TRANK1: variants seen among roughly 807,000 people sequenced by gnomAD.
The protein encoded by TRANK1 is TPR and ankyrin repeat-containing protein 1.
Under a neutral mutation model 266.0 loss-of-function variants are expected in TRANK1, and 198 were observed. The observed-to-expected ratio is 0.74, with a 90% confidence interval of 0.66 to 0.84. The LOEUF (loss-of-function observed/expected upper bound fraction) is 0.84, where lower values mean the gene tolerates loss of function less well. TRANK1 is among the 40% of genes least tolerant of loss of function. The probability of loss-of-function intolerance (pLI) is 0.00; values close to 1 mark genes in which losing one functional copy is unlikely to be tolerated. For missense variants in TRANK1, 3,326 were observed against 3,634.6 expected (o/e 0.92, Z 2.18); for synonymous variants, 1,396 against 1,384.1 (o/e 1.01, Z -0.19).
Position 36,860,934 on chromosome 3 carries a change from C to G in TRANK1, c.1467G>C (p.Gln489His), listed in dbSNP as rs752059010. The G allele has an allele frequency of 7.8e-6, 12 of 1,537,364 alleles. No individual in the cohort carries two copies. In the African/African-American group the frequency reaches 1.6e-4, roughly 21 times the overall value. ...CACTGTCTATCAGGCAGCCCAGAAG[C>G]TGTTTCTTCCGCTGGTCCCAGGTGC... ...HLSTWDQRKKQLLGCLIDSGA... is the reference protein window; with the variant it reads ...HLSTWDQRKKHLLGCLIDSGA... The change falls in exon 11 of 24, where the codon CAG (glutamine) becomes CAC (histidine). Residue 489 changes from glutamine to histidine, a missense_variant. Physicochemically the swap from Gln to His is conservative, Grantham distance 24 (BLOSUM62 0). Transcript: ENST00000645898.
At chr3:36,898,027 C>T (rs1273799230) in intron 4 of TRANK1, among the ~76,000 whole-genome samples, 4 of 152,218 alleles carry the variant, frequency 2.6e-5, no homozygotes, top group South Asian at 2.1e-4. Context: ...TCTGCAGTGC[C>T]GGGTATTGAG....
chr3:36,899,321 G>C, intron 3 of TRANK1, 62 bp from the exon 4 acceptor site: 1 of 1,489,858 alleles, frequency 6.7e-7, no homozygotes, highest in East Asian at 2.5e-5. Flanking sequence ...GCTGGTGAAA[G>C]AAAAAGCAAA....
chr3:36,866,115 A>AGAAAGAAAGAGT (rs1553622475), intron 9 of TRANK1, among the ~76,000 whole-genome samples: 9 of 150,342 alleles, frequency 6.0e-5, no homozygotes, highest in African/African-American at 2.2e-4. Flanking sequence ...AAAGAAAGAA[A>AGAAAGAAAGAGT]GAGTCACCGA....
At chr3:36,930,417 T>A (rs1309534079) in intron 1 of TRANK1, among the ~76,000 whole-genome samples, 4 of 152,138 alleles carry the variant, frequency 2.6e-5, no homozygotes, top group African/African-American at 9.7e-5. Context: ...CCAGCCAACA[T>A]CTTGGTTTTC....
chr3:36,853,241 A>G (rs1159741254), intron 13 of TRANK1, among the ~76,000 whole-genome samples: 2 of 152,220 alleles, frequency 1.3e-5, no homozygotes, highest in Admixed American at 6.5e-5. Context: ...GAGGTCTGAG[A>G]AGCTAATAGA....
At chr3:36,929,732 G>A (rs965692083) in intron 1 of TRANK1, among the ~76,000 whole-genome samples, 7 of 152,282 alleles carry the variant, frequency 4.6e-5, no homozygotes, top group East Asian at 3.9e-4. Flanking sequence ...GAAGTTTACC[G>A]ATGTAATTAT....
intron 10 of TRANK1, among the ~76,000 whole-genome samples, chr3:36,861,913 G>A (rs2079148383): frequency 6.6e-6 from 1 of 151,892 alleles, no homozygotes; most frequent in African/African-American, 2.4e-5. Flanking sequence ...CACTATGTTA[G>A]CCAGGATGGT....
At chr3:36,918,933 A>G (rs2080176706) in intron 1 of TRANK1, among the ~76,000 whole-genome samples, 1 of 152,214 alleles carries the variant, frequency 6.6e-6, no homozygotes, top group South Asian at 2.1e-4. Flanking sequence ...GATGACAGTT[A>G]AAATATCCCC....
Position 36,855,192 on chromosome 3 carries a change from C to A in TRANK1, c.4530G>T (p.Gln1510His). The A allele has an allele frequency of 1.2e-6, 2 of 1,611,752 alleles. No individual in the cohort carries two copies. Among genetic ancestry groups the A allele is most frequent in the Non-Finnish European group, 1.7e-6 (2 of 1,178,180 alleles). ...RKPKKIHQLY[Q>H]NYRSHSGILN... is the part of the protein sequence containing the mutation. ...ACTTACCTGAGTGGGACCTGTAATT[C>A]TGGTACAGCTGGTGGATCTTCTTGG... is the stretch of plus-strand genomic sequence containing the variant. Residue 1510 changes from glutamine to histidine, a missense_variant, in exon 13 of 24, where the codon CAG becomes CAT. Coordinates refer to ENST00000645898, the MANE Select transcript of TRANK1 (RefSeq NM_001329998.2).
intron 9 of TRANK1, among the ~76,000 whole-genome samples, chr3:36,869,163 A>T (rs1391404409): frequency 2.0e-5 from 3 of 152,248 alleles, no homozygotes; most frequent in African/African-American, 7.2e-5. Flanking sequence ...AGTGAGAAAT[A>T]CAGAATCTCA....
In TRANK1 at chr3:36,855,179, G is replaced by A. The variant is rs2079034099; in HGVS notation, c.4543C>T (p.His1515Tyr). The A allele has an allele frequency of 6.2e-7, 1 of 1,609,300 alleles. No homozygotes were observed. Among genetic ancestry groups the A allele is most frequent in the Non-Finnish European group, 8.5e-7 (1 of 1,176,582 alleles). Residue 1515 changes from histidine to tyrosine, a missense_variant, in exon 13 of 24, where the codon CAC becomes TAC. Coordinates refer to ENST00000645898, the MANE Select transcript of TRANK1 (RefSeq NM_001329998.2). Reference sequence around the variant, plus strand: ...ACCCAAGAGCTGGACTTACCTGAGTGGGACCTGTAATTCTGGTACAGCTGG... The same window carrying A: ...ACCCAAGAGCTGGACTTACCTGAGTAGGACCTGTAATTCTGGTACAGCTGG... ...IHQLYQNYRS[H>Y]SGILNLASGV...
intron 8 of TRANK1, among the ~76,000 whole-genome samples, chr3:36,887,591 T>A (rs1312727187): frequency 6.6e-6 from 1 of 152,194 alleles, no homozygotes; most frequent in South Asian, 2.1e-4. Flanking sequence ...CTTAAAACAT[T>A]GTGAGATTTG....
intron 17 of TRANK1, among the ~76,000 whole-genome samples, chr3:36,844,649 G>T (rs761780996): frequency 6.6e-6 from 1 of 152,178 alleles, no homozygotes; most frequent in Non-Finnish European, 1.5e-5. Flanking sequence ...GAGAAGGTGG[G>T]ACCTGAACAA....
chr3:36,902,849 C>T (rs1056737464), intron 3 of TRANK1, among the ~76,000 whole-genome samples: 1 of 152,258 alleles, frequency 6.6e-6, no homozygotes, highest in African/African-American at 2.4e-5. Context: ...CACTAGGAGG[C>T]CAAGCTCTGC....
rs182668958 is a variant in TRANK1 at position 36,872,288 on chromosome 3, T to A, written c.1078+1838A>T. 5.9e-3 allele frequency among the ~76,000 whole-genome samples: 897 copies of A among 152,090 alleles called. 4 individuals carry two copies. Among genetic ancestry groups the A allele is most frequent in the African/African-American group, 0.02 (842 of 41,492 alleles). Reference sequence around the variant, plus strand: ...TGGTGGTACATGCCTGTAATCCCAATGACTTGGGAGGCTGAGGCAGGAGAA... The same window carrying A: ...TGGTGGTACATGCCTGTAATCCCAAAGACTTGGGAGGCTGAGGCAGGAGAA... On this transcript the variant is annotated intron_variant, in intron 9 of 23. Coordinates refer to ENST00000645898, the MANE Select transcript of TRANK1 (RefSeq NM_001329998.2).
intron 11 of TRANK1, among the ~76,000 whole-genome samples, chr3:36,860,430 C>T (rs1385154538): frequency 6.6e-6 from 1 of 152,200 alleles, no homozygotes; most frequent in Non-Finnish European, 1.5e-5. Flanking sequence ...CTCATTAAAG[C>T]AGCAGATGCT....
chr3:36,877,274 A>G (rs2079403719), intron 8 of TRANK1, among the ~76,000 whole-genome samples: 1 of 152,230 alleles, frequency 6.6e-6, no homozygotes, highest in African/African-American at 2.4e-5. Context: ...ATATTTGCAG[A>G]AAAAAATGTA....
At chr3:36,845,829 C>T (rs368474287) in intron 17 of TRANK1, among the ~76,000 whole-genome samples, 1 of 152,168 alleles carries the variant, frequency 6.6e-6, no homozygotes, top group Non-Finnish European at 1.5e-5. Flanking sequence ...GATGAGCATA[C>T]TTACGCAGGT....
Position 36,874,299 on chromosome 3 carries a change from A to T in TRANK1, c.908-3T>A, listed in dbSNP as rs2079354412. ...CATCTGCACATCCTCTGTTTGTCCT[A>T]GGGCAGGCCAAAATGAGAAGGGGTG... On this transcript the variant is annotated splice_polypyrimidine_tract_variant and splice_region_variant and intron_variant, in intron 8 of 23. Coordinates refer to ENST00000645898, the MANE Select transcript of TRANK1 (RefSeq NM_001329998.2). 1 of 1,535,528 alleles carries T rather than the reference A, an allele frequency of 6.5e-7. No individual in the cohort carries two copies. The highest frequency in any genetic ancestry group is 1.4e-5 in the African/African-American group (1 of 72,858).
Sources: allele counts gnomAD v4.1 joint callset (sites outside exome capture counted in the v4.1 genomes callset), GRCh38; gene constraint gnomAD v4.1.1; transcripts MANE v1.5; gene names NCBI Gene and HGNC (gene_info 2026-07-23, HGNC 2026-07-21).